The following SLC30A4 variants were observed in gnomAD, a reference collection of about 807,000 sequenced individuals.
SLC30A4 encodes probable proton-coupled zinc antiporter SLC30A4.
SLC30A4 carries 20 observed loss-of-function variants against 41.7 expected under a neutral mutation model. The ratio of observed to expected loss-of-function variants is 0.48; its 90% CI spans 0.34 to 0.70. The LOEUF is 0.70. SLC30A4 is among the 30% of genes least tolerant of loss of function. The pLI is 0.01. For missense variants in SLC30A4, 441 were observed against 529.3 expected (o/e 0.83, Z 1.64); for synonymous variants, 181 against 195.9 (o/e 0.92, Z 0.64).
chr15:45,520,697 G>A (rs1892638697), intron 2 of SLC30A4, among the ~76,000 whole-genome samples: 1 of 152,198 alleles, frequency 6.6e-6, no homozygotes, highest in Non-Finnish European at 1.5e-5. Flanking sequence ...GTGGACACAC[G>A]AAATCCATTT....
intron 2 of SLC30A4, among the ~76,000 whole-genome samples, chr15:45,520,035 TTGAG>T: frequency 6.6e-6 from 1 of 152,298 alleles, no homozygotes; most frequent in Non-Finnish European, 1.5e-5. Flanking sequence ...AACAAGTTTA[TTGAG>T]TATCTACTTT....
At chr15:45,486,232 A>G (rs1430954824) in intron 7 of SLC30A4, among the ~76,000 whole-genome samples, 1 of 152,088 alleles carries the variant, frequency 6.6e-6, no homozygotes, top group Non-Finnish European at 1.5e-5. Flanking sequence ...CATGTTGGCC[A>G]GGCTGGTCTC....
chr15:45,501,925 C>T (rs1377220731), intron 3 of SLC30A4: 1 of 151,982 alleles, frequency 6.6e-6, no homozygotes, highest in East Asian at 1.9e-4. Context: ...TGCTGCTAAC[C>T]ACATATAAAT....
Position 45,483,859 on chromosome 15 carries a change from ACT to A in SLC30A4, c.*1302_*1303del. 6.6e-6 allele frequency: 1 copy of A among 152,400 alleles called. No homozygotes were observed. The highest frequency in any genetic ancestry group is 1.5e-5 in the Non-Finnish European group (1 of 68,166). 9.4% of individuals were successfully genotyped at this position (152,400 alleles called of 1,614,324 possible). Reference sequence around the variant, plus strand: ...ACTCCAGCCTGGGTGACAGAGTGAGACTCTCTCAAGAACAAAAACAAAAACAA... The same window carrying A: ...ACTCCAGCCTGGGTGACAGAGTGAGACTCTCAAGAACAAAAACAAAAACAA... On this transcript the variant is annotated 3_prime_UTR_variant, in exon 8 of 8. Transcript: ENST00000261867.
chr15:45,481,092 T>C lies in SLC30A4; in HGVS notation c.*4071A>G, dbSNP rs1163021938. ...GAAAGTCTATGAAAGACAAACACTG[T>C]CAGGTGGAACACCTGGGTTCAAAAG... is the stretch of plus-strand genomic sequence containing the variant. On this transcript the variant is annotated 3_prime_UTR_variant, in exon 8 of 8. Transcript: ENST00000261867. 1.3e-5 allele frequency: 2 copies of C among 152,206 alleles called. No individual in the cohort carries two copies. Among genetic ancestry groups the C allele is most frequent in the African/African-American group, 2.4e-5 (1 of 41,456 alleles). 9.4% of individuals were successfully genotyped at this position (152,206 alleles called of 1,614,324 possible). A position where few individuals can be genotyped will look rare whatever the true frequency, so the allele number is the denominator to read the frequency against.
chr15:45,488,924 C>A lies in SLC30A4; in HGVS notation c.811G>T (p.Val271Leu). ...AAAGCATGTACAAATGCAGCTCTCA[C>A]TGCCAGGCTATCCTGCCCATGGTTA... Reference protein sequence around the residue: ...ERNHGQDSLAVRAAFVHALGD... With the variant: ...ERNHGQDSLALRAAFVHALGD... The change falls in exon 5 of 8, where the codon GTG (valine) becomes TTG (leucine). Residue 271 changes from valine (V) to leucine (L), a missense_variant. Physicochemically the swap from Val to Leu is conservative, Grantham distance 32. Coordinates refer to ENST00000261867, the MANE Select transcript of SLC30A4 (RefSeq NM_013309.6). 1 of 1,614,202 alleles carries A rather than the reference C, an allele frequency of 6.2e-7. No individual in the cohort carries two copies. Among genetic ancestry groups the A allele is most frequent in the Non-Finnish European group, 8.5e-7 (1 of 1,180,034 alleles).
chr15:45,522,437 C>G lies in SLC30A4; in HGVS notation c.-83G>C, dbSNP rs1892705130. On this transcript the variant is annotated 5_prime_UTR_variant, in exon 2 of 8. Transcript: ENST00000261867. ...CGCCTACTTCACCGGAGCGCCAGTT[C>G]TCGAGGGCAGTGCCGCGCGTCCCTC... 7 of 1,353,386 alleles carry G rather than the reference C, an allele frequency of 5.2e-6. No individual in the cohort carries two copies. In the South Asian group the frequency reaches 8.6e-5, roughly 17 times the overall value. The allele number at this position is 1,353,386 out of a possible 1,614,324, so 83.8% of individuals were successfully genotyped here.
At chr15:45,501,569 T>C (rs1055432589) in intron 3 of SLC30A4, among the ~76,000 whole-genome samples, 9 of 152,172 alleles carry the variant, frequency 5.9e-5, no homozygotes, top group African/African-American at 1.2e-4. Context: ...GGCGTGCACA[T>C]AGCTCACTGC....
Position 45,522,401 on chromosome 15 carries a change from A to C in SLC30A4, c.-47T>G, listed in dbSNP as rs536634599. On this transcript the variant is annotated 5_prime_UTR_variant, in exon 2 of 8. Transcript: ENST00000261867. Reference sequence around the variant, plus strand: ...GTGCGGAACGGCTTGGGGGAGGCGGACGGCCGGCGGCGCCTACTTCACCGG... The same window carrying C: ...GTGCGGAACGGCTTGGGGGAGGCGGCCGGCCGGCGGCGCCTACTTCACCGG... The C allele has an allele frequency of 7.2e-6, 11 of 1,522,198 alleles. No individual in the cohort carries two copies. Among genetic ancestry groups the C allele is most frequent in the South Asian group, 3.8e-5 (3 of 78,044 alleles). 94.3% of individuals were successfully genotyped at this position (1,522,198 alleles called of 1,614,324 possible).
At position 45,522,710 on chromosome 15, in the gene SLC30A4, GCTCGCGCCC is replaced by G. The variant is rs1892716386; in HGVS notation, c.-227_-219del. The G allele has an allele frequency of 5.8e-6, 1 of 171,720 alleles. No homozygotes were observed. The highest frequency in any genetic ancestry group is 1.6e-4 in the East Asian group (1 of 6,200). 10.6% of individuals were successfully genotyped at this position (171,720 alleles called of 1,614,324 possible). The stretch of plus-strand genomic sequence containing the variant: ...CGCGGCCGCAGGAGAGTGGGGTCGT[GCTCGCGCCC>G]GCCGCGCCCGCTGCTGGAGGCCGGC... On this transcript the variant is annotated 5_prime_UTR_variant, in exon 1 of 8. Transcript: ENST00000261867.
intron 3 of SLC30A4, among the ~76,000 whole-genome samples, chr15:45,491,420 A>G (rs1301346108): frequency 6.6e-6 from 1 of 152,244 alleles, no homozygotes; most frequent in East Asian, 1.9e-4. Flanking sequence ...GATAGAAAAA[A>G]GTACACTCAA....
At chr15:45,520,432 G>T (rs1013062345) in intron 2 of SLC30A4, among the ~76,000 whole-genome samples, 1 of 151,934 alleles carries the variant, frequency 6.6e-6, no homozygotes, top group Non-Finnish European at 1.5e-5. Flanking sequence ...ACAACGTCCG[G>T]CTAATTTTTG....
chr15:45,486,465 C>A (rs570825898), intron 7 of SLC30A4, 146 bp downstream of exon 7: 3 of 667,080 alleles, frequency 4.5e-6, no homozygotes, highest in East Asian at 6.1e-5. Context: ...TTAACAAAAG[C>A]CTTTGTTTTT....
intron 3 of SLC30A4, among the ~76,000 whole-genome samples, chr15:45,503,138 T>A (rs1892075423): frequency 6.6e-6 from 1 of 152,088 alleles, no homozygotes; most frequent in South Asian, 2.1e-4. Context: ...CCAAATTAGA[T>A]ACATGTATCA....
chr15:45,501,354 T>A (rs1892030678), intron 3 of SLC30A4, among the ~76,000 whole-genome samples: 2 of 152,134 alleles, frequency 1.3e-5, no homozygotes, highest in Non-Finnish European at 2.9e-5. Context: ...AAATATTTAG[T>A]CCCAAATTAC....
At position 45,488,920 on chromosome 15, in the gene SLC30A4, C is replaced by G. The variant is rs770957613; in HGVS notation, c.815G>C (p.Arg272Thr). The change falls in exon 5 of 8, where the codon AGA (arginine) becomes ACA (threonine). Residue 272 changes from arginine (R) to threonine (T), a missense_variant. Physicochemically the swap from Arg to Thr is moderately conservative, Grantham distance 71. This residue lies in a region of SLC30A4 where 312 missense variants were observed against 341.9 expected (regional missense o/e 0.91). Coordinates refer to ENST00000261867, the MANE Select transcript of SLC30A4 (RefSeq NM_013309.6). ...TCCCAAAGCATGTACAAATGCAGCT[C>G]TCACTGCCAGGCTATCCTGCCCATG... ...RNHGQDSLAV[R>T]AAFVHALGDL... The G allele has an allele frequency of 2.5e-6, 4 of 1,614,184 alleles. No individual in the cohort carries two copies. The East Asian group carries it at 6.7e-5, about 27-fold the overall frequency.
intron 2 of SLC30A4, among the ~76,000 whole-genome samples, chr15:45,516,419 C>T (rs1892477816): frequency 6.6e-6 from 1 of 152,182 alleles, no homozygotes; most frequent in African/African-American, 2.4e-5. Context: ...CTCAGCCTTC[C>T]CCACTGCTGG....
chr15:45,490,149 T>A (rs1891782596), intron 4 of SLC30A4, among the ~76,000 whole-genome samples: 1 of 152,200 alleles, frequency 6.6e-6, no homozygotes, highest in East Asian at 1.9e-4. Context: ...TGGAGTGCAG[T>A]GGCCCAATCA....
At chr15:45,508,258 CAACTT>C (rs1892202080) in intron 3 of SLC30A4, among the ~76,000 whole-genome samples, 1 of 152,154 alleles carries the variant, frequency 6.6e-6, no homozygotes, top group African/African-American at 2.4e-5. Context: ...TTTGGAGCAT[CAACTT>C]CCACACTAAT....
Sources: allele counts gnomAD v4.1 joint callset (sites outside exome capture counted in the v4.1 genomes callset), GRCh38; gene constraint gnomAD v4.1.1; regional missense constraint gnomAD v4.1.1; transcripts MANE v1.5; gene names NCBI Gene and HGNC (gene_info 2026-07-23, HGNC 2026-07-21).